CACNA1A: variants seen among roughly 807,000 people sequenced by gnomAD.
CACNA1A encodes the protein calcium voltage-gated channel subunit alpha1 A.
Under a neutral mutation model 262.4 loss-of-function variants are expected in CACNA1A, and 57 were observed. That is an observed-to-expected ratio of 0.22 (90% CI 0.18 to 0.27). The LOEUF is 0.27. Ranked by LOEUF, CACNA1A falls within the 10% of genes least tolerant of loss-of-function variation. CACNA1A has a pLI of 1.00. For missense variants in CACNA1A, 2,526 were observed against 3,562.8 expected (o/e 0.71, Z 7.41); for synonymous variants, 1,431 against 1,419.3 (o/e 1.01, Z -0.18).
At position 13,308,005 on chromosome 19, in the gene CACNA1A, G is replaced by A; in HGVS notation, c.1913+115C>T. 6.9e-7 allele frequency: 1 copy of A among 1,444,678 alleles called. No individual in the cohort carries two copies. The highest frequency in any genetic ancestry group is 9.6e-7 in the Non-Finnish European group (1 of 1,046,578). 89.5% of individuals were successfully genotyped at this position (1,444,678 alleles called of 1,614,324 possible). A position where few individuals can be genotyped will look rare whatever the true frequency, so the allele number is the denominator to read the frequency against. On this transcript the variant is annotated intron_variant, in intron 14 of 46. Coordinates refer to ENST00000360228, the MANE Select transcript of CACNA1A (RefSeq NM_001127222.2). The surrounding 1 kb of genome is among the most constrained non-coding windows in gnomAD (Gnocchi z 4.2). The stretch of plus-strand genomic sequence containing the variant: ...TACCCAGGGCCCTGCCCATTTGGGT[G>A]ACCGCAATGGGTGTCTGGGCTACGA...
intron 3 of CACNA1A, among the ~76,000 whole-genome samples, chr19:13,406,946 AACAC>A (rs145151480): frequency 1.0e-4 from 15 of 150,432 alleles, no homozygotes; most frequent in Non-Finnish European, 1.9e-4. Flanking sequence ...CACACACACA[AACAC>A]ACACACACAT....
intron 6 of CACNA1A, among the ~76,000 whole-genome samples, chr19:13,341,249 G>C (rs752402531): frequency 6.6e-6 from 1 of 152,152 alleles, no homozygotes; most frequent in African/African-American, 2.4e-5. Flanking sequence ...CCAGAAGCTA[G>C]GAGGGAGGCA....
chr19:13,460,288 A>G (rs1351164670), intron 1 of CACNA1A, among the ~76,000 whole-genome samples: 1 of 152,108 alleles, frequency 6.6e-6, no homozygotes, highest in Non-Finnish European at 1.5e-5. Flanking sequence ...CCTCTATTTC[A>G]GGGATAGGAG....
At chr19:13,250,296 G>A (rs1022235127) in intron 30 of CACNA1A, among the ~76,000 whole-genome samples, 4 of 151,952 alleles carry the variant, frequency 2.6e-5, no homozygotes, top group African/African-American at 9.7e-5. Flanking sequence ...CTGACCTCAA[G>A]GGATCTGCCC....
chr19:13,464,980 G>C (rs1489286850), intron 1 of CACNA1A, among the ~76,000 whole-genome samples: 2 of 151,268 alleles, frequency 1.3e-5, no homozygotes, highest in Non-Finnish European at 3.0e-5. Flanking sequence ...CCAGGCTGGA[G>C]TGCAATGGTG....
intron 24 of CACNA1A, among the ~76,000 whole-genome samples, chr19:13,266,873 C>T (rs2144790393): frequency 6.6e-6 from 1 of 152,322 alleles, no homozygotes; most frequent in Admixed American, 6.5e-5. Flanking sequence ...CCGTGTCTGG[C>T]CCACTTTCAT....
chr19:13,266,905 C>A (rs1020908933), intron 24 of CACNA1A, among the ~76,000 whole-genome samples: 3 of 152,302 alleles, frequency 2.0e-5, no homozygotes, highest in South Asian at 2.1e-4. Context: ...ACTGCTCCAC[C>A]CAGCTTGCCT....
Position 13,212,167 on chromosome 19 carries a change from T to C in CACNA1A, c.6239A>G (p.His2080Arg), listed in dbSNP as rs1036340314. Residue 2080 changes from histidine to arginine, a missense_variant, in exon 43 of 47, where the codon CAC (histidine) becomes CGC (arginine). This residue lies in a region of CACNA1A where 929 missense variants were observed against 868.1 expected (regional missense o/e 1.07). Coordinates refer to ENST00000360228, the MANE Select transcript of CACNA1A (RefSeq NM_001127222.2). The surrounding 1 kb of genome is among the most constrained non-coding windows in gnomAD (Gnocchi z 5.6). The part of the protein sequence containing the change: ...MGRDGYSDSE[H>R]YLPMEGQGRA... ...GCCCTGGCCTTCCATGGGGAGGTAG[T>C]GCTCGCTGTCGGAGTAGCCATCTCT... 6.2e-7 allele frequency: 1 copy of C among 1,613,874 alleles called. No homozygotes were observed. Among genetic ancestry groups the C allele is most frequent in the Non-Finnish European group, 8.5e-7 (1 of 1,179,786 alleles).
At chr19:13,244,855 C>A in intron 31 of CACNA1A, 1 of 298,246 alleles carries the variant, frequency 3.4e-6, no homozygotes, top group Admixed American at 4.6e-5. Flanking sequence ...GTTTGGGAGC[C>A]GGCTCAGCTT....
chr19:13,408,568 G>A (rs2060053905), intron 3 of CACNA1A, among the ~76,000 whole-genome samples: 1 of 152,194 alleles, frequency 6.6e-6, no homozygotes, highest in Admixed American at 6.5e-5. Context: ...AGCATGATCA[G>A]ATTATACCAC....
rs770847997 is a variant in CACNA1A at position 13,262,848 on chromosome 19, T to TGGG, written c.3990-16_3990-15insCCC. On this transcript the variant is annotated splice_polypyrimidine_tract_variant and intron_variant, in intron 24 of 46. Coordinates refer to ENST00000360228, the MANE Select transcript of CACNA1A (RefSeq NM_001127222.2). ...TGCTATTGCCACTGTGGAGGAATGT[T>TGGG]TAGGTGGGAAGAAGGGAAGAGAGGA... The TGGG allele has an allele frequency of 6.4e-7, 1 of 1,572,966 alleles. No homozygotes were observed. The highest frequency in any genetic ancestry group is 1.1e-5 in the South Asian group (1 of 89,132).
chr19:13,411,065 T>G (rs2060101660), intron 3 of CACNA1A, among the ~76,000 whole-genome samples: 1 of 152,162 alleles, frequency 6.6e-6, no homozygotes, highest in Non-Finnish European at 1.5e-5. Context: ...TTTTTGAATT[T>G]TAGACTCCAA....
intron 1 of CACNA1A, among the ~76,000 whole-genome samples, chr19:13,460,510 A>G (rs1339777456): frequency 6.6e-6 from 1 of 152,178 alleles, no homozygotes; most frequent in Non-Finnish European, 1.5e-5. Flanking sequence ...CAAAAGCAGA[A>G]AAGAAAATTT....
In CACNA1A at chr19:13,464,543, A is replaced by ATTTTTTTTT. The variant is rs540418372; in HGVS notation, c.294-9340_294-9332dup. Among the ~76,000 whole-genome samples the ATTTTTTTTT allele has an allele frequency of 1.5e-3, 193 of 128,914 alleles. 11 individuals carry two copies. The East Asian group carries it at 0.037, about 25-fold the overall frequency. 84.6% of individuals were successfully genotyped at this position (128,914 alleles called of 152,430 possible). On this transcript the variant is annotated intron_variant, in intron 1 of 46. Coordinates refer to ENST00000360228, the MANE Select transcript of CACNA1A (RefSeq NM_001127222.2). ...CTGCTAATAGTAAATAACTTTTCCA[A>ATTTTTTTTT]TTTTTTTTTTTTTTTTTTTTTTAGA...
chr19:13,464,543 A>ATTGTTTTTTTTTTTTTTTTTTTTTTTTTT, intron 1 of CACNA1A, among the ~76,000 whole-genome samples: 1 of 128,952 alleles, frequency 7.8e-6, no homozygotes, highest in East Asian at 2.3e-4. Context: ...AACTTTTCCA[A>ATTGTTTTTTTTTTTTTTTTTTTTTTTTTT]TTTTTTTTTT....
chr19:13,309,042 C>G (rs1371575423), intron 12 of CACNA1A, among the ~76,000 whole-genome samples: 1 of 149,160 alleles, frequency 6.7e-6, no homozygotes, highest in Non-Finnish European at 1.5e-5. Flanking sequence ...GAGTCTTGCT[C>G]TTATCACCCA....
intron 1 of CACNA1A, among the ~76,000 whole-genome samples, chr19:13,464,693 C>T (rs74183021): frequency 0.2 from 30,013 of 151,332 alleles, 3,023 homozygotes; most frequent in Middle Eastern, 0.26. Flanking sequence ...GGATTACAGG[C>T]GCCTGCCACC....
chr19:13,466,877 A>ATTTATTTATTTAT (rs2061252729), intron 1 of CACNA1A, among the ~76,000 whole-genome samples: 2 of 142,586 alleles, frequency 1.4e-5, no homozygotes, highest in African/African-American at 5.4e-5. Context: ...TTAAATTTCC[A>ATTTATTTATTTAT]TTATTTATTT....
At chr19:13,209,581 CTGG>C in intron 44 of CACNA1A, 83 bp from the exon 45 acceptor site, 2 of 1,083,632 alleles carry the variant, frequency 1.8e-6, no homozygotes, top group South Asian at 4.2e-5. Flanking sequence ...TTGTGGCAGC[CTGG>C]TGGTGGCCTT....
Sources: allele counts gnomAD v4.1 joint callset (sites outside exome capture counted in the v4.1 genomes callset), GRCh38; gene constraint gnomAD v4.1.1; regional missense constraint gnomAD v4.1.1; non-coding constraint Gnocchi (gnomAD v3.1); transcripts MANE v1.5; gene names NCBI Gene and HGNC (gene_info 2026-07-23, HGNC 2026-07-21).